Variants in DCAF17 observed in about 807,000 individuals in gnomAD.
DCAF17 encodes DDB1- and CUL4-associated factor 17.
A neutral mutation model predicts 66.0 loss-of-function variants in DCAF17; 48 were observed. That is an observed-to-expected ratio of 0.73 (90% confidence interval 0.58 to 0.92). DCAF17 has a LOEUF of 0.92. Among genes scored for constraint, DCAF17 ranks in the 40% least tolerant of loss-of-function variants. The pLI, the probability that DCAF17 is intolerant of heterozygous loss-of-function variation, is 0.00. For missense variants in DCAF17, 562 were observed against 622.8 expected, an observed-to-expected ratio of 0.90 and a Z score of 1.04; for synonymous variants, 206 against 214.6, an observed-to-expected ratio of 0.96 and a Z score of 0.35.
intron 2 of DCAF17, among the ~76,000 whole-genome samples, chr2:171,440,023 A>T (rs1054907207): frequency 6.6e-6 from 1 of 152,156 alleles, no homozygotes; most frequent in African/African-American, 2.4e-5. Context: ...TTTCACAGGT[A>T]TGATAATAGT....
chr2:171,444,987 CTG>C (rs995093252), intron 3 of DCAF17, among the ~76,000 whole-genome samples: 3 of 152,122 alleles, frequency 2.0e-5, no homozygotes, highest in African/African-American at 7.2e-5. Context: ...CTAAAAGTAA[CTG>C]TTGTGCCTTT....
intron 4 of DCAF17, 132 bp downstream of exon 4, chr2:171,448,949 C>A (rs1169134702): frequency 2.6e-6 from 2 of 778,912 alleles, no homozygotes; most frequent in East Asian, 2.7e-5. Context: ...AACCTATTTT[C>A]TTTTTCTCCC....
intron 10 of DCAF17, among the ~76,000 whole-genome samples, chr2:171,474,783 C>T (rs1389520518): frequency 6.6e-6 from 1 of 152,212 alleles, no homozygotes; most frequent in Non-Finnish European, 1.5e-5. Flanking sequence ...CATATATCCT[C>T]TTAATCCAGT....
chr2:171,461,242 C>T (rs973284464), intron 8 of DCAF17, among the ~76,000 whole-genome samples: 1 of 152,098 alleles, frequency 6.6e-6, no homozygotes, highest in Non-Finnish European at 1.5e-5. Flanking sequence ...GTCAGGAGTG[C>T]AAGACCAGCC....
chr2:171,458,194 A>G, intron 7 of DCAF17, 119 bp downstream of exon 7: 2 of 1,108,342 alleles, frequency 1.8e-6, no homozygotes, highest in Non-Finnish European at 2.7e-6. Context: ...TGGCTCTAAA[A>G]AACTGTAGAA....
At chr2:171,442,638 G>A (rs1003936670) in intron 2 of DCAF17, among the ~76,000 whole-genome samples, 3 of 151,556 alleles carry the variant, frequency 2.0e-5, no homozygotes, top group East Asian at 1.9e-4. Flanking sequence ...CCAACACTTC[G>A]GGAGGCTGAG....
At chr2:171,440,103 A>G (rs1694220246) in intron 2 of DCAF17, among the ~76,000 whole-genome samples, 1 of 152,128 alleles carries the variant, frequency 6.6e-6, no homozygotes. Flanking sequence ...AGCTGGAACT[A>G]CAGTCACATA....
At chr2:171,458,567 CATTT>C in intron 8 of DCAF17, 90 bp downstream of exon 8, 1 of 1,046,850 alleles carries the variant, frequency 9.6e-7, no homozygotes, top group Non-Finnish European at 1.4e-6. Context: ...ATGTTTTTCT[CATTT>C]ATTTAAAAAA....
At chr2:171,454,437 A>G (rs1295657995) in intron 6 of DCAF17, among the ~76,000 whole-genome samples, 1 of 150,814 alleles carries the variant, frequency 6.6e-6, no homozygotes, top group Non-Finnish European at 1.5e-5. Context: ...GGCGCCTGCC[A>G]CCACACCCGG....
chr2:171,442,242 T>C (rs1694345099), intron 2 of DCAF17, among the ~76,000 whole-genome samples: 1 of 152,146 alleles, frequency 6.6e-6, no homozygotes, highest in Non-Finnish European at 1.5e-5. Context: ...TCAACAGTAA[T>C]TTAATTTCAA....
intron 4 of DCAF17, among the ~76,000 whole-genome samples, chr2:171,449,208 A>G (rs541803582): frequency 1.3e-5 from 2 of 152,170 alleles, no homozygotes; most frequent in South Asian, 2.1e-4. Flanking sequence ...AGGTTTCCCT[A>G]TGTTGGCCAG....
intron 3 of DCAF17, among the ~76,000 whole-genome samples, chr2:171,446,756 T>C (rs752938211): frequency 2.6e-5 from 4 of 152,188 alleles, no homozygotes; most frequent in Admixed American, 6.5e-5. Context: ...ATTTTTAAAA[T>C]TGCATTGTGA....
At chr2:171,471,467 A>G (rs1696240549) in intron 9 of DCAF17, among the ~76,000 whole-genome samples, 1 of 152,224 alleles carries the variant, frequency 6.6e-6, no homozygotes, top group Non-Finnish European at 1.5e-5. Flanking sequence ...AAAGAGAACA[A>G]TCTCCTAAAA....
At chr2:171,472,089 C>A (rs1696274167) in intron 9 of DCAF17, among the ~76,000 whole-genome samples, 2 of 152,168 alleles carry the variant, frequency 1.3e-5, no homozygotes, top group South Asian at 4.1e-4. Flanking sequence ...TCTCCAGTAT[C>A]ATGGCTGGAT....
At chr2:171,443,008 AC>A (rs1694395006) in intron 2 of DCAF17, 2 of 152,770 alleles carry the variant, frequency 1.3e-5, no homozygotes, top group African/African-American at 4.8e-5. Flanking sequence ...AATTTACTCA[AC>A]CTTTCTGAAA....
Position 171,476,965 on chromosome 2 carries a change from C to T in DCAF17, c.1182+15C>T. The T allele has an allele frequency of 6.5e-7, 1 of 1,539,466 alleles. No individual in the cohort carries two copies. The highest frequency in any genetic ancestry group is 9.0e-7 in the Non-Finnish European group (1 of 1,112,710). On this transcript the variant is annotated intron_variant, in intron 11 of 13. Transcript: ENST00000375255. The stretch of plus-strand genomic sequence containing the variant: ...AGAACCATAAAGTAAGTCAAGAGTA[C>T]TTTAAAATCCTTTATATATCATTGT...
rs1351520441 is a variant in DCAF17 at position 171,434,560 on chromosome 2, G to A, written c.-18G>A. ...CCACTCGGCGGCCCAGCCTACCCAG[G>A]GCCCGGCCCGCGCCTCCATGGGCCC... On this transcript the variant is annotated 5_prime_UTR_variant, in exon 1 of 14. Transcript: ENST00000375255. 1 of 1,525,436 alleles carries A rather than the reference G, an allele frequency of 6.6e-7. No individual in the cohort carries two copies. Among genetic ancestry groups the A allele is most frequent in the Non-Finnish European group, 8.8e-7 (1 of 1,141,856 alleles). The allele number at this position is 1,525,436 out of a possible 1,614,324, so 94.5% of individuals were successfully genotyped here.
chr2:171,481,029 A>G lies in DCAF17; in HGVS notation c.1478A>G (p.Lys493Arg). 3 of 1,613,876 alleles carry G rather than the reference A, an allele frequency of 1.9e-6. No homozygotes were observed. The highest frequency in any genetic ancestry group is 2.5e-6 in the Non-Finnish European group (3 of 1,179,768). The part of the protein sequence containing the change: ...DRDLVLHIEQ[K>R]PNRVFSCYVY... ...GACTTGGTGCTACACATAGAGCAGA[A>G]ACCCAACAGAGTCTTCAGCTGCTAT... The change falls in exon 14 of 14, where the codon AAA (lysine) becomes AGA (arginine). Residue 493 changes from lysine to arginine, a missense_variant. Lys to Arg is a conservative substitution (Grantham distance 26, BLOSUM62 2). Transcript: ENST00000375255.
At chr2:171,444,633 A>C (rs1223244637) in intron 3 of DCAF17, among the ~76,000 whole-genome samples, 1 of 152,226 alleles carries the variant, frequency 6.6e-6, no homozygotes, top group Non-Finnish European at 1.5e-5. Context: ...GAGAAGGGAT[A>C]ATCGACCTGT....
Sources: gnomAD v4.1 joint callset for allele counts (sites outside exome capture counted in the v4.1 genomes callset) on GRCh38, gnomAD v4.1.1 for gene constraint, MANE v1.5 for transcripts, NCBI Gene and HGNC (gene_info 2026-07-23, HGNC 2026-07-21) for gene names.